Variants in MBP observed in about 807,000 individuals in gnomAD.
MBP encodes the protein Golli-MBP.
MBP carries 16 observed loss-of-function variants against 35.8 expected under a neutral mutation model. The observed-to-expected ratio is 0.45, with a 90% CI of 0.30 to 0.68. MBP has a LOEUF of 0.68. Ranked by LOEUF, MBP falls within the 30% of genes least tolerant of loss-of-function variation. The pLI is 0.08. For missense variants in MBP, 380 were observed against 404.7 expected (o/e 0.94, Z 0.52); for synonymous variants, 143 against 159.6 (o/e 0.90, Z 0.78).
chr18:77,075,665 G>A (rs1474668199), intron 2 of MBP, among the ~76,000 whole-genome samples: 6 of 152,182 alleles, frequency 3.9e-5, no homozygotes, highest in African/African-American at 1.2e-4. Flanking sequence ...GAAGACCCGC[G>A]TGAACTCATC....
At chr18:77,046,581 C>T (rs189024459) in intron 3 of MBP, among the ~76,000 whole-genome samples, 4 of 152,378 alleles carry the variant, frequency 2.6e-5, no homozygotes, top group Non-Finnish European at 2.9e-5. Context: ...CTTCCCTGCA[C>T]CTCTGGTCTG....
At chr18:77,067,043 T>C (rs1373739353) in intron 2 of MBP, among the ~76,000 whole-genome samples, 1 of 152,238 alleles carries the variant, frequency 6.6e-6, no homozygotes, top group Non-Finnish European at 1.5e-5. Flanking sequence ...TTTCAGTACA[T>C]AGTTTGATCA....
At chr18:77,077,490 A>G (rs146193226) in intron 2 of MBP, among the ~76,000 whole-genome samples, 1 of 152,136 alleles carries the variant, frequency 6.6e-6, no homozygotes, top group Non-Finnish European at 1.5e-5. Flanking sequence ...ATTCTAAACC[A>G]TTTCCCCAAA....
chr18:77,075,987 C>T (rs1161437218), intron 2 of MBP, among the ~76,000 whole-genome samples: 5 of 152,240 alleles, frequency 3.3e-5, no homozygotes, highest in East Asian at 3.9e-4. Flanking sequence ...TGGAGGGATT[C>T]GATTACATTT....
chr18:77,053,134 C>T (rs1024026856), intron 3 of MBP, among the ~76,000 whole-genome samples: 1 of 152,274 alleles, frequency 6.6e-6, no homozygotes, highest in Admixed American at 6.5e-5. Flanking sequence ...ACAGCACAGG[C>T]TCGCATGTCT....
chr18:77,036,816 G>A (rs1172765556), intron 3 of MBP, among the ~76,000 whole-genome samples: 1 of 138,526 alleles, frequency 7.2e-6, no homozygotes, highest in Non-Finnish European at 1.5e-5. Flanking sequence ...CTCACGTTTT[G>A]GAGGACTGAG....
At chr18:77,097,892 G>A (rs1568338398) in intron 2 of MBP, among the ~76,000 whole-genome samples, 2 of 148,598 alleles carry the variant, frequency 1.3e-5, no homozygotes, top group Admixed American at 6.8e-5. Context: ...TGCAGCAGGT[G>A]CCCCAAATCA....
intron 3 of MBP, among the ~76,000 whole-genome samples, chr18:77,033,817 C>T (rs1568304494): frequency 1.3e-5 from 2 of 151,216 alleles, no homozygotes; most frequent in South Asian, 4.2e-4. Flanking sequence ...CATCCACACA[C>T]CCACCCACAT....
chr18:76,988,143 T>C lies in MBP; in HGVS notation c.750+352A>G. On this transcript the variant is annotated intron_variant, in intron 7 of 8. Transcript: ENST00000355994. The surrounding 1 kb of genome is among the most constrained non-coding windows in gnomAD (Gnocchi z 5.2). Reference sequence around the variant, plus strand: ...TCCACATGCGGGTTCCTGGGGCTTCTCGCACTGGTTGTGTTGGAGGAAGTT... The same window carrying C: ...TCCACATGCGGGTTCCTGGGGCTTCCCGCACTGGTTGTGTTGGAGGAAGTT... 1 of 1,532,882 alleles carries C rather than the reference T, an allele frequency of 6.5e-7. No homozygotes were observed. The highest frequency in any genetic ancestry group is 1.4e-5 in the African/African-American group (1 of 73,096). 95.0% of individuals were successfully genotyped at this position (1,532,882 alleles called of 1,614,324 possible). A position where few individuals can be genotyped will look rare whatever the true frequency, so the allele number is the denominator to read the frequency against.
chr18:77,038,475 A>G (rs1380388397), intron 3 of MBP, among the ~76,000 whole-genome samples: 1 of 152,236 alleles, frequency 6.6e-6, no homozygotes, highest in East Asian at 1.9e-4. Context: ...CTGGCAGTAG[A>G]AAGGCAAACC....
rs67900283 is a variant in MBP at position 77,081,856 on chromosome 18, ATTT to A, written c.52-15474_52-15472del. On this transcript the variant is annotated intron_variant, in intron 2 of 8. Transcript: ENST00000355994. Reference sequence around the variant, plus strand: ...CACACACACACATATATATATATATATTTTTTTTTTTTTGAGACGGAGTCTCGC... The same window carrying A: ...CACACACACACATATATATATATATATTTTTTTTTTGAGACGGAGTCTCGC... 2.9e-3 allele frequency among the ~76,000 whole-genome samples: 387 copies of A among 133,828 alleles called. 3 individuals are homozygous for A. The highest frequency in any genetic ancestry group is 0.017 in the East Asian group (81 of 4,700). The allele number at this position is 133,828 out of a possible 152,430, so 87.8% of individuals were successfully genotyped here.
At position 77,016,395 on chromosome 18, in the gene MBP, T is replaced by C. The variant is rs112039188; in HGVS notation, c.576+437A>G. On this transcript the variant is annotated intron_variant, in intron 4 of 8. Coordinates refer to ENST00000355994, the MANE Select transcript of MBP (RefSeq NM_001025101.2). The stretch of plus-strand genomic sequence containing the variant: ...ATCCTATGATTGTCGCAGAGCAACA[T>C]GAAGCTAGCAGCACTGACTCCAGGA... 96 of 1,000,302 alleles carry C rather than the reference T, an allele frequency of 9.6e-5. No individual in the cohort carries two copies. In the African/African-American group the frequency reaches 1.6e-3, roughly 16 times the overall value. The allele number at this position is 1,000,302 out of a possible 1,614,324, so 62.0% of individuals were successfully genotyped here.
intron 1 of MBP, among the ~76,000 whole-genome samples, chr18:77,107,804 G>C (rs1445593228): frequency 1.3e-5 from 2 of 152,180 alleles, no homozygotes; most frequent in African/African-American, 4.8e-5. Context: ...TCAGACTTTT[G>C]AATACATCTT....
chr18:77,048,960 C>T (rs1276553238), intron 3 of MBP, among the ~76,000 whole-genome samples: 3 of 149,546 alleles, frequency 2.0e-5, no homozygotes, highest in Non-Finnish European at 4.4e-5. Flanking sequence ...CGCTCTGTCA[C>T]CCAGGCTGGA....
intron 2 of MBP, among the ~76,000 whole-genome samples, chr18:77,094,269 CAGCCT>C (rs1354033415): frequency 1.3e-5 from 2 of 152,226 alleles, no homozygotes; most frequent in Non-Finnish European, 2.9e-5. Flanking sequence ...CCACTGAGCC[CAGCCT>C]AAAGTTTCTC....
chr18:77,025,223 T>C (rs1972160110), intron 3 of MBP, among the ~76,000 whole-genome samples: 1 of 152,162 alleles, frequency 6.6e-6, no homozygotes, highest in Non-Finnish European at 1.5e-5. Context: ...CAGCCCAAAG[T>C]GGCTTTCACT....
At chr18:76,985,630 G>A in intron 7 of MBP, 3 of 1,058,630 alleles carry the variant, frequency 2.8e-6, no homozygotes, top group Middle Eastern at 4.6e-4. Flanking sequence ...GGCACGGGGG[G>A]CGGCCGCATC....
rs74182682 is a variant in MBP at position 77,060,448 on chromosome 18, C to CTTTT, written c.139+5846_139+5849dup. Reference sequence around the variant, plus strand: ...AGTATAACTGTTTTCTCTCTCTCTCCTTTTTTTTTTTTTTTTTTTTATGAG... The same window carrying CTTTT: ...AGTATAACTGTTTTCTCTCTCTCTCCTTTTTTTTTTTTTTTTTTTTTTTTATGAG... On this transcript the variant is annotated intron_variant, in intron 3 of 8. Transcript: ENST00000355994. Among the ~76,000 whole-genome samples the CTTTT allele has an allele frequency of 2.1e-3, 201 of 97,578 alleles. 4 individuals carry two copies. The highest frequency in any genetic ancestry group is 7.6e-3 in the South Asian group (25 of 3,290). The allele number at this position is 97,578 out of a possible 152,430, so 64.0% of individuals were successfully genotyped here.
At chr18:76,982,873 T>G (rs1337099241) in intron 8 of MBP, 2 of 151,562 alleles carry the variant, frequency 1.3e-5, no homozygotes, top group Non-Finnish European at 3.0e-5. Flanking sequence ...CTTTGATACA[T>G]AGAAGCTTCC....
Sources: gnomAD v4.1 joint callset for allele counts (sites outside exome capture counted in the v4.1 genomes callset) on GRCh38, gnomAD v4.1.1 for gene constraint, Gnocchi (gnomAD v3.1) non-coding constraint, MANE v1.5 for transcripts, NCBI Gene and HGNC (gene_info 2026-07-23, HGNC 2026-07-21) for gene names.